STRN: variants seen among roughly 807,000 people sequenced by gnomAD.
The protein encoded by STRN is protein phosphatase 2 regulatory subunit B'''alpha.
Under a neutral mutation model 96.3 loss-of-function variants are expected in STRN, and 53 were observed. The ratio of observed to expected loss-of-function variants is 0.55; its 90% CI spans 0.44 to 0.69. STRN has a LOEUF of 0.69. Ranked by LOEUF, STRN falls within the 30% of genes least tolerant of loss-of-function variation. STRN has a pLI of 0.00. For synonymous variants in STRN, 428 were observed against 355.9 expected (o/e 1.20, Z -2.28); for missense variants, 987 against 963.9 (o/e 1.02, Z -0.32).
intron 5 of STRN, among the ~76,000 whole-genome samples, chr2:36,901,856 T>C (rs972385896): frequency 6.6e-5 from 10 of 152,222 alleles, no homozygotes; most frequent in African/African-American, 2.4e-4. Flanking sequence ...GCAGGAACTA[T>C]CTTCTTGCTA....
At chr2:36,937,047 T>C (rs1670718179) in intron 1 of STRN, among the ~76,000 whole-genome samples, 3 of 151,884 alleles carry the variant, frequency 2.0e-5, no homozygotes, top group Non-Finnish European at 4.4e-5. Flanking sequence ...TAAGCTCAGT[T>C]AAAAAGAAAA....
chr2:36,922,639 G>A (rs960956941), intron 2 of STRN, among the ~76,000 whole-genome samples: 19 of 151,354 alleles, frequency 1.3e-4, no homozygotes, highest in African/African-American at 4.1e-4. Context: ...ACCATTATCC[G>A]TCATCAACTG....
At chr2:36,853,736 A>T (rs967936859) in intron 15 of STRN, among the ~76,000 whole-genome samples, 1 of 152,152 alleles carries the variant, frequency 6.6e-6, no homozygotes, top group Non-Finnish European at 1.5e-5. Flanking sequence ...TGGTCCTTTC[A>T]TTTTTTTAAA....
intron 1 of STRN, among the ~76,000 whole-genome samples, chr2:36,963,209 G>A (rs1313999074): frequency 6.6e-6 from 1 of 152,212 alleles, no homozygotes; most frequent in Non-Finnish European, 1.5e-5. Context: ...AAGCAGTAAA[G>A]GCAGGCCAGG....
In STRN at chr2:36,880,401, C is replaced by T. The variant is rs1028313304; in HGVS notation, c.1187-2374G>A. Reference sequence around the variant, plus strand: ...GCTACAGTGAGCTATGACTGTACCACTGCACTCCAACCTAGGCAACAGAGC... The same window carrying T: ...GCTACAGTGAGCTATGACTGTACCATTGCACTCCAACCTAGGCAACAGAGC... On this transcript the variant is annotated intron_variant, in intron 9 of 17. Coordinates refer to ENST00000263918, the MANE Select transcript of STRN (RefSeq NM_003162.4). 2.6e-5 allele frequency among the ~76,000 whole-genome samples: 4 copies of T among 152,148 alleles called. No individual in the cohort carries two copies. In the East Asian group the frequency reaches 7.7e-4, roughly 29 times the overall value.
chr2:36,898,454 A>G (rs1367311067), intron 6 of STRN, among the ~76,000 whole-genome samples: 1 of 152,250 alleles, frequency 6.6e-6, no homozygotes, highest in Admixed American at 6.5e-5. Context: ...AATAGTCGTG[A>G]TGGAAAACAA....
At chr2:36,951,018 G>C (rs1664740150) in intron 1 of STRN, among the ~76,000 whole-genome samples, 2 of 152,022 alleles carry the variant, frequency 1.3e-5, no homozygotes, top group Non-Finnish European at 1.5e-5. Flanking sequence ...AGAATGCAAA[G>C]TAATGATAAC....
At chr2:36,866,177 T>A (rs150593638) in intron 12 of STRN, among the ~76,000 whole-genome samples, 2 of 152,026 alleles carry the variant, frequency 1.3e-5, no homozygotes, top group African/African-American at 2.4e-5. Context: ...CGGGCTCAAT[T>A]CATCCTCCCA....
chr2:36,942,979 A>G (rs1428240209), intron 1 of STRN, among the ~76,000 whole-genome samples: 2 of 152,182 alleles, frequency 1.3e-5, no homozygotes, highest in African/African-American at 4.8e-5. Context: ...TACAGGTGTC[A>G]GCCACCATGC....
chr2:36,901,630 CTAAAGA>C (rs1669686371), intron 5 of STRN, among the ~76,000 whole-genome samples: 1 of 151,108 alleles, frequency 6.6e-6, no homozygotes, highest in South Asian at 2.1e-4. Context: ...AAAAACAGAA[CTAAAGA>C]TAATGTCCAC....
intron 12 of STRN, among the ~76,000 whole-genome samples, chr2:36,863,270 G>A (rs555479105): frequency 2.6e-5 from 4 of 151,932 alleles, no homozygotes; most frequent in Admixed American, 2.6e-4. Flanking sequence ...TGTCTAGAAT[G>A]GTATTCCCTA....
intron 1 of STRN, among the ~76,000 whole-genome samples, chr2:36,928,575 C>A (rs1670481397): frequency 6.6e-6 from 1 of 151,606 alleles, no homozygotes; most frequent in Non-Finnish European, 1.5e-5. Flanking sequence ...TCACTCAAAC[C>A]CAGGAGGCGG....
Position 36,884,091 on chromosome 2 carries a change from G to A in STRN, c.1043-16C>T. Reference sequence around the variant, plus strand: ...CTATTGGGCCCTAGCCAAAAAAAGGGGGGGTGGGAGGAGATAAAAAAGAGA... The same window carrying A: ...CTATTGGGCCCTAGCCAAAAAAAGGAGGGGTGGGAGGAGATAAAAAAGAGA... On this transcript the variant is annotated splice_polypyrimidine_tract_variant and intron_variant, in intron 8 of 17. Transcript: ENST00000263918. The A allele has an allele frequency of 1.5e-6, 2 of 1,319,682 alleles. No individual in the cohort carries two copies. Among genetic ancestry groups the A allele is most frequent in the South Asian group, 3.0e-5 (1 of 33,240 alleles). 81.7% of individuals were successfully genotyped at this position (1,319,682 alleles called of 1,614,324 possible). A position where few individuals can be genotyped will look rare whatever the true frequency, so the allele number is the denominator to read the frequency against.
At chr2:36,902,825 A>ACT in intron 4 of STRN, 74 bp from the exon 5 acceptor site, 1 of 1,260,392 alleles carries the variant, frequency 7.9e-7, no homozygotes, top group Non-Finnish European at 1.1e-6. Flanking sequence ...AAATAAAAGT[A>ACT]TTTATTTAAA....
Position 36,904,838 on chromosome 2 carries a change from C to A in STRN, c.491+702G>T, listed in dbSNP as rs62132546. Among the ~76,000 whole-genome samples the A allele has an allele frequency of 4.8e-4, 73 of 151,796 alleles. No homozygotes were observed. In the East Asian group the frequency reaches 9.6e-3, roughly 20 times the overall value. The stretch of plus-strand genomic sequence containing the variant: ...GTGAGACTCCATCTCAAATGAATGA[C>A]TGAATGAATGAATGAATGAATGAAT... On this transcript the variant is annotated intron_variant, in intron 4 of 17. Transcript: ENST00000263918.
At chr2:36,962,859 C>CT (rs542210246) in intron 1 of STRN, among the ~76,000 whole-genome samples, 3 of 152,180 alleles carry the variant, frequency 2.0e-5, no homozygotes, top group Non-Finnish European at 2.9e-5. Context: ...GATAAACACT[C>CT]TGATTCTTCT....
chr2:36,894,234 A>G (rs1157630295), intron 6 of STRN, among the ~76,000 whole-genome samples: 1 of 152,220 alleles, frequency 6.6e-6, no homozygotes, highest in Non-Finnish European at 1.5e-5. Context: ...GCTCAACGGT[A>G]TTATGGCTTG....
chr2:36,946,318 CA>C (rs1670983548), intron 1 of STRN, among the ~76,000 whole-genome samples: 1 of 151,858 alleles, frequency 6.6e-6, no homozygotes, highest in African/African-American at 2.4e-5. Flanking sequence ...GCAAGGTGAC[CA>C]AATGACTTTG....
chr2:36,953,163 C>A (rs759424426), intron 1 of STRN, among the ~76,000 whole-genome samples: 1 of 152,114 alleles, frequency 6.6e-6, no homozygotes, highest in African/African-American at 2.4e-5. Flanking sequence ...GTGAGTGATG[C>A]ATATTTGCCA....
Sources: gnomAD v4.1 joint callset for allele counts (sites outside exome capture counted in the v4.1 genomes callset) on GRCh38, gnomAD v4.1.1 for gene constraint, MANE v1.5 for transcripts, NCBI Gene and HGNC (gene_info 2026-07-23, HGNC 2026-07-21) for gene names.